The following FSTL5 variants were observed in gnomAD, a reference collection of about 807,000 sequenced individuals.
The protein encoded by FSTL5 is follistatin-related protein 5.
A neutral mutation model predicts 89.1 loss-of-function variants in FSTL5; 62 were observed. The ratio of observed to expected loss-of-function variants is 0.70; its 90% CI spans 0.57 to 0.86. The LOEUF is 0.86. Among genes scored for constraint, FSTL5 ranks in the 40% least tolerant of loss-of-function variants. FSTL5 has a pLI of 0.00. For missense variants in FSTL5, 1,057 were observed against 1,001.6 expected (o/e 1.06, Z -0.75); for synonymous variants, 383 against 346.2 (o/e 1.11, Z -1.18).
intron 15 of FSTL5, among the ~76,000 whole-genome samples, chr4:161,402,806 T>C (rs1731226623): frequency 6.6e-6 from 1 of 152,200 alleles, no homozygotes; most frequent in East Asian, 1.9e-4. Context: ...AAAATAGTAA[T>C]TAGTTACTTG....
intron 1 of FSTL5, among the ~76,000 whole-genome samples, chr4:162,133,450 A>G (rs952646738): frequency 1.3e-5 from 2 of 152,184 alleles, no homozygotes; most frequent in Non-Finnish European, 2.9e-5. Context: ...TTGTTAATTG[A>G]TGGCTTTTTC....
At position 162,090,974 on chromosome 4, in the gene FSTL5, C is replaced by T. The variant is rs1036625627; in HGVS notation, c.126+20297G>A. Among the ~76,000 whole-genome samples the T allele has an allele frequency of 2.0e-5, 3 of 152,298 alleles. No homozygotes were observed. The South Asian group carries it at 6.2e-4, about 32-fold the overall frequency. On this transcript the variant is annotated intron_variant, in intron 2 of 15. Coordinates refer to ENST00000306100, the MANE Select transcript of FSTL5 (RefSeq NM_020116.5). ...TACAGAGCCCTCCATCACCTTTCTG[C>T]TCCTCATGTTTTTAAACTGAGTCAC...
At chr4:162,010,570 C>A (rs1736734780) in intron 3 of FSTL5, among the ~76,000 whole-genome samples, 1 of 152,202 alleles carries the variant, frequency 6.6e-6, no homozygotes, top group Non-Finnish European at 1.5e-5. Flanking sequence ...AGCAACTCTA[C>A]ACCCATTAGC....
At chr4:161,666,805 G>A (rs1345240778) in intron 6 of FSTL5, among the ~76,000 whole-genome samples, 1 of 151,922 alleles carries the variant, frequency 6.6e-6, no homozygotes, top group Non-Finnish European at 1.5e-5. Flanking sequence ...CAAAAGTTCT[G>A]AAAGTAATTA....
intron 7 of FSTL5, among the ~76,000 whole-genome samples, chr4:161,633,500 C>A (rs1037041431): frequency 6.6e-6 from 1 of 151,896 alleles, no homozygotes; most frequent in Admixed American, 6.6e-5. Context: ...GCACACACCA[C>A]CACACCCAGC....
At chr4:161,693,287 G>A (rs1489071425) in intron 6 of FSTL5, among the ~76,000 whole-genome samples, 6 of 152,086 alleles carry the variant, frequency 3.9e-5, no homozygotes, top group Non-Finnish European at 8.8e-5. Flanking sequence ...TCTTTATCTG[G>A]CTTTTTTATC....
chr4:162,044,544 A>G (rs1738099039), intron 2 of FSTL5, among the ~76,000 whole-genome samples: 1 of 152,144 alleles, frequency 6.6e-6, no homozygotes, highest in Non-Finnish European at 1.5e-5. Context: ...CTGCTTCCCC[A>G]GCAGCATTAG....
At chr4:161,537,357 A>G (rs976904934) in intron 10 of FSTL5, among the ~76,000 whole-genome samples, 2 of 152,192 alleles carry the variant, frequency 1.3e-5, no homozygotes, top group African/African-American at 4.8e-5. Context: ...CATTTCAAGC[A>G]CATCCAGGCC....
At chr4:161,464,397 C>T (rs756722377) in intron 13 of FSTL5, among the ~76,000 whole-genome samples, 3 of 152,196 alleles carry the variant, frequency 2.0e-5, no homozygotes, top group Non-Finnish European at 4.4e-5. Context: ...TTTCTCAGCA[C>T]GGCCAGCTTG....
chr4:161,742,097 T>C (rs1740048992), intron 6 of FSTL5, among the ~76,000 whole-genome samples: 2 of 151,930 alleles, frequency 1.3e-5, no homozygotes, highest in Non-Finnish European at 1.5e-5. Context: ...ATAGCAAGCC[T>C]GTAGTTTGTG....
In FSTL5 at chr4:161,467,432, C is replaced by A. The variant is rs933725247; in HGVS notation, c.1609-8113G>T. ...TTGAGAATTGATGCTTTACTTTTTA[C>A]AAAATTAACTTTGTACTTTGCAGTT... On this transcript the variant is annotated intron_variant, in intron 13 of 15. Transcript: ENST00000306100. 2.0e-5 allele frequency among the ~76,000 whole-genome samples: 3 copies of A among 151,966 alleles called. No homozygotes were observed. In the South Asian group the frequency reaches 6.2e-4, roughly 32 times the overall value.
chr4:162,062,696 G>A (rs927872390), intron 2 of FSTL5, among the ~76,000 whole-genome samples: 22 of 150,638 alleles, frequency 1.5e-4, no homozygotes, highest in Non-Finnish European at 2.8e-4. Context: ...TAAAGAGTAA[G>A]ATAAAGTAAA....
At chr4:161,397,762 A>G (rs1731056988) in intron 15 of FSTL5, among the ~76,000 whole-genome samples, 1 of 151,788 alleles carries the variant, frequency 6.6e-6, no homozygotes, top group African/African-American at 2.4e-5. Flanking sequence ...AACAAATGAG[A>G]GAAAATATGA....
At chr4:162,142,457 T>G (rs1181728856) in intron 1 of FSTL5, among the ~76,000 whole-genome samples, 1 of 152,072 alleles carries the variant, frequency 6.6e-6, no homozygotes, top group Non-Finnish European at 1.5e-5. Flanking sequence ...TTTGAGACAG[T>G]GGATAGAGAC....
intron 4 of FSTL5, among the ~76,000 whole-genome samples, chr4:161,860,283 G>A (rs62329242): frequency 0.13 from 16,173 of 122,312 alleles, 1,136 homozygotes; most frequent in Non-Finnish European, 0.18. Flanking sequence ...GCGAGACTCC[G>A]TCTCAAACAA....
chr4:162,033,662 G>A lies in FSTL5; in HGVS notation c.127-4C>T. On this transcript the variant is annotated splice_polypyrimidine_tract_variant and splice_region_variant and intron_variant, in intron 2 of 15. Transcript: ENST00000306100. ...AACTTTCTTGATTTTTTTCCTGCTG[G>A]AAATAAAACAGAAAATAGGTCAAAA... 6.7e-7 allele frequency: 1 copy of A among 1,481,934 alleles called. No individual in the cohort carries two copies. The highest frequency in any genetic ancestry group is 9.3e-7 in the Non-Finnish European group (1 of 1,079,956). 91.8% of individuals were successfully genotyped at this position (1,481,934 alleles called of 1,614,324 possible).
At chr4:162,122,503 C>G (rs77795208) in intron 1 of FSTL5, among the ~76,000 whole-genome samples, 5,718 of 152,098 alleles carry the variant, frequency 0.038, 135 homozygotes, top group Admixed American at 0.049. Context: ...CTCACCTGCT[C>G]TCTTAAAACT....
chr4:161,417,374 A>G (rs1440891186), intron 15 of FSTL5, among the ~76,000 whole-genome samples: 2 of 152,188 alleles, frequency 1.3e-5, no homozygotes, highest in Non-Finnish European at 2.9e-5. Context: ...TCATAAAATG[A>G]TTTGTATGTA....
At chr4:161,605,180 T>A (rs72687582) in intron 7 of FSTL5, among the ~76,000 whole-genome samples, 88 of 152,298 alleles carry the variant, frequency 5.8e-4, no homozygotes, top group Non-Finnish European at 1.1e-3. Context: ...TTCAGAAGTA[T>A]GCCAGAGCTG....
Sources: allele counts gnomAD v4.1 joint callset (sites outside exome capture counted in the v4.1 genomes callset), GRCh38; gene constraint gnomAD v4.1.1; transcripts MANE v1.5; gene names NCBI Gene and HGNC (gene_info 2026-07-23, HGNC 2026-07-21).